FCHSD2: variants seen among roughly 807,000 people sequenced by gnomAD.
FCHSD2 encodes the protein FCH and double SH3 domains 2.
FCHSD2 carries 38 observed loss-of-function variants against 108.1 expected under a neutral mutation model. That is an observed-to-expected ratio of 0.35 (90% CI 0.27 to 0.46). FCHSD2 has a LOEUF of 0.46. FCHSD2 is among the 20% of genes least tolerant of loss of function. FCHSD2 has a pLI of 1.00. For synonymous variants in FCHSD2, 279 were observed against 314.7 expected (o/e 0.89, Z 1.20); for missense variants, 751 against 897.8 (o/e 0.84, Z 2.09).
intron 8 of FCHSD2, among the ~76,000 whole-genome samples, chr11:72,982,660 C>T (rs572726848): frequency 5.2e-4 from 79 of 152,220 alleles, no homozygotes; most frequent in African/African-American, 1.9e-3. Flanking sequence ...CAGGGAAATG[C>T]TAGATCAAGT....
intron 19 of FCHSD2, among the ~76,000 whole-genome samples, 198 bp downstream of exon 19, chr11:72,840,679 C>T (rs1235892925): frequency 6.6e-6 from 1 of 152,186 alleles, no homozygotes; most frequent in African/African-American, 2.4e-5. Context: ...GAAAAAAGTT[C>T]CAGTGTAGAT....
At chr11:72,909,549 G>C (rs1305079467) in intron 9 of FCHSD2, among the ~76,000 whole-genome samples, 1 of 147,742 alleles carries the variant, frequency 6.8e-6, no homozygotes, top group African/African-American at 2.5e-5. Context: ...TGGGAAGTGA[G>C]GAGCGCCTCT....
intron 12 of FCHSD2, among the ~76,000 whole-genome samples, chr11:72,883,043 G>A (rs1240436150): frequency 6.6e-6 from 1 of 152,108 alleles, no homozygotes; most frequent in Non-Finnish European, 1.5e-5. Flanking sequence ...CGGGTGCAAA[G>A]GTAATGGGAA....
chr11:73,066,587 T>A (rs1426725400), intron 3 of FCHSD2, among the ~76,000 whole-genome samples: 1 of 151,732 alleles, frequency 6.6e-6, no homozygotes, highest in Admixed American at 6.6e-5. Context: ...ATTTTTGCAA[T>A]CTATCTGACA....
chr11:73,127,396 G>T (rs1055817828), intron 2 of FCHSD2, among the ~76,000 whole-genome samples: 1 of 152,126 alleles, frequency 6.6e-6, no homozygotes, highest in Non-Finnish European at 1.5e-5. Context: ...AATTACTCCC[G>T]ATCAACACTG....
chr11:72,895,575 C>A (rs531644993), intron 10 of FCHSD2, among the ~76,000 whole-genome samples: 2 of 152,012 alleles, frequency 1.3e-5, no homozygotes, highest in Non-Finnish European at 2.9e-5. Flanking sequence ...ATAACTAATG[C>A]GTCTATGCAA....
intron 8 of FCHSD2, among the ~76,000 whole-genome samples, chr11:72,933,786 T>C (rs1390228129): frequency 6.6e-6 from 1 of 152,208 alleles, no homozygotes; most frequent in Non-Finnish European, 1.5e-5. Context: ...AAAAGCTGCA[T>C]ATATTTCTTA....
intron 4 of FCHSD2, among the ~76,000 whole-genome samples, chr11:73,012,857 T>C (rs1857890821): frequency 6.6e-6 from 1 of 152,214 alleles, no homozygotes; most frequent in Non-Finnish European, 1.5e-5. Context: ...AACAAAACTC[T>C]GCCAAATCAT....
At chr11:73,008,780 G>T (rs959781540) in intron 4 of FCHSD2, among the ~76,000 whole-genome samples, 1 of 152,196 alleles carries the variant, frequency 6.6e-6, no homozygotes, top group African/African-American at 2.4e-5. Context: ...CATTATAGCA[G>T]ATGGAATTGT....
chr11:73,126,339 TAAAAAAAA>T (rs61586562), intron 2 of FCHSD2, among the ~76,000 whole-genome samples: 2,091 of 27,618 alleles, frequency 0.076, 85 homozygotes, highest in African/African-American at 0.13. Flanking sequence ...GATTCCATCT[TAAAAAAAA>T]AAAAAAAAAA....
intron 8 of FCHSD2, among the ~76,000 whole-genome samples, chr11:72,953,416 G>C (rs1856653727): frequency 6.6e-6 from 1 of 151,896 alleles, no homozygotes; most frequent in Non-Finnish European, 1.5e-5. Context: ...CTCTCTTAAG[G>C]CCAGTTGAGA....
chr11:72,931,285 T>TG (rs1255236132), intron 8 of FCHSD2, among the ~76,000 whole-genome samples: 1 of 145,936 alleles, frequency 6.9e-6, no homozygotes, highest in Non-Finnish European at 1.5e-5. Context: ...TTTTTTTTTT[T>TG]TAGTAGAGAT....
At chr11:72,993,846 C>CA (rs772208778) in intron 5 of FCHSD2, among the ~76,000 whole-genome samples, 5 of 151,608 alleles carry the variant, frequency 3.3e-5, no homozygotes, top group East Asian at 1.9e-4. Flanking sequence ...CAACATGGCA[C>CA]TGTATACATA....
chr11:72,973,125 T>G (rs914817867), intron 8 of FCHSD2, among the ~76,000 whole-genome samples: 1 of 152,140 alleles, frequency 6.6e-6, no homozygotes, highest in Non-Finnish European at 1.5e-5. Context: ...TCCCAGCACC[T>G]TGGAGGCCAA....
At chr11:73,094,972 T>C (rs1163428445) in intron 2 of FCHSD2, among the ~76,000 whole-genome samples, 2 of 152,230 alleles carry the variant, frequency 1.3e-5, no homozygotes, top group Admixed American at 6.5e-5. Flanking sequence ...CTAACATCCA[T>C]TGAATATCTT....
chr11:72,892,516 A>G (rs989253555), intron 10 of FCHSD2, among the ~76,000 whole-genome samples: 1 of 152,254 alleles, frequency 6.6e-6, no homozygotes, highest in African/African-American at 2.4e-5. Context: ...AACAATACAC[A>G]GAGAAATGTT....
At position 72,985,079 on chromosome 11, in the gene FCHSD2, G is replaced by T; in HGVS notation, c.559C>A (p.Gln187Lys). The change falls in exon 7 of 20, where the codon CAG (glutamine) becomes AAG (lysine). Residue 187 changes from glutamine to lysine, a missense_variant. Coordinates refer to ENST00000409418, the MANE Select transcript of FCHSD2 (RefSeq NM_014824.3). ...AAACTTACCTTTACACTTGCCTTCT[G>T]TAAACTGATTCTTGATTGAAAAAGA... ...LSLFQSRISL[Q>K]KASVKLKARR... 2 of 1,262,276 alleles carry T rather than the reference G, an allele frequency of 1.6e-6. No individual in the cohort carries two copies. Among genetic ancestry groups the T allele is most frequent in the Non-Finnish European group, 1.1e-6 (1 of 887,698 alleles). 78.2% of individuals were successfully genotyped at this position (1,262,276 alleles called of 1,614,324 possible). A position where few individuals can be genotyped will look rare whatever the true frequency, so the allele number is the denominator to read the frequency against.
chr11:72,857,435 CTTTTTT>C (rs56061370), intron 13 of FCHSD2, among the ~76,000 whole-genome samples: 1 of 82,282 alleles, frequency 1.2e-5, no homozygotes. Flanking sequence ...ATGCTTACTC[CTTTTTT>C]TTTTTTTTTT....
At chr11:73,039,292 CG>C (rs1591504298) in intron 3 of FCHSD2, among the ~76,000 whole-genome samples, 1 of 151,970 alleles carries the variant, frequency 6.6e-6, no homozygotes, top group Non-Finnish European at 1.5e-5. Flanking sequence ...CAGAGGTGGG[CG>C]GATCACTTGA....
Sources: gnomAD v4.1 joint callset for allele counts (sites outside exome capture counted in the v4.1 genomes callset) on GRCh38, gnomAD v4.1.1 for gene constraint, MANE v1.5 for transcripts, NCBI Gene and HGNC (gene_info 2026-07-23, HGNC 2026-07-21) for gene names.